Variants in CDH13 observed in about 807,000 individuals in gnomAD.
CDH13 encodes the protein cadherin-13.
CDH13 carries 24 observed loss-of-function variants against 63.8 expected under a neutral mutation model. The ratio of observed to expected loss-of-function variants is 0.38; its 90% CI spans 0.27 to 0.53. The LOEUF (loss-of-function observed/expected upper bound fraction) is 0.53. CDH13 is among the 20% of genes least tolerant of loss of function. The pLI is 0.85. For synonymous variants in CDH13, 503 were observed against 355.3 expected, an observed-to-expected ratio of 1.42 and a Z score of -4.67; for missense variants, 1,049 against 903.1, an observed-to-expected ratio of 1.16 and a Z score of -2.07.
rs1916913590 is a variant in CDH13, at chr16:83,036,928, G to T, written c.366+4710G>T. Reference sequence around the variant, plus strand: ...GGCCAGAGGAAGCTGGAACAGAAAGGGAATGCTAAATAAAAGCATGGGAAC... The same window carrying T: ...GGCCAGAGGAAGCTGGAACAGAAAGTGAATGCTAAATAAAAGCATGGGAAC... On this transcript the variant is annotated intron_variant, in intron 3 of 13. Transcript: ENST00000567109. 2.0e-5 allele frequency among the ~76,000 whole-genome samples: 3 copies of T among 152,232 alleles called. No homozygotes were observed. The South Asian group carries it at 6.2e-4, about 32-fold the overall frequency.
chr16:83,595,074 A>G (rs1203192211), intron 7 of CDH13, among the ~76,000 whole-genome samples: 1 of 152,252 alleles, frequency 6.6e-6, no homozygotes, highest in African/African-American at 2.4e-5. Context: ...TCAAACCAGG[A>G]GAGCAGCTTG....
At chr16:83,467,901 G>A (rs1255692052) in intron 6 of CDH13, among the ~76,000 whole-genome samples, 2 of 152,152 alleles carry the variant, frequency 1.3e-5, no homozygotes, top group African/African-American at 4.8e-5. Context: ...CGTTTGACAG[G>A]GTGAATCAAG....
intron 1 of CDH13, among the ~76,000 whole-genome samples, chr16:82,803,023 G>C (rs1197189139): frequency 1.3e-5 from 2 of 152,174 alleles, no homozygotes; most frequent in African/African-American, 4.8e-5. Flanking sequence ...CTTCCTTCCA[G>C]TGTGCTATTC....
At chr16:82,799,734 A>G (rs889424710) in intron 1 of CDH13, among the ~76,000 whole-genome samples, 2 of 152,190 alleles carry the variant, frequency 1.3e-5, no homozygotes, top group Non-Finnish European at 2.9e-5. Context: ...AGAAAAAAAT[A>G]TATTTGTGCT....
chr16:83,305,193 T>C (rs1034656372), intron 5 of CDH13, among the ~76,000 whole-genome samples: 6 of 152,176 alleles, frequency 3.9e-5, no homozygotes, highest in African/African-American at 1.4e-4. Context: ...GAGAGCTGAC[T>C]CATTTGTAGG....
chr16:83,184,939 T>C (rs976335038), intron 4 of CDH13, among the ~76,000 whole-genome samples: 1 of 151,988 alleles, frequency 6.6e-6, no homozygotes, highest in African/African-American at 2.4e-5. Flanking sequence ...CTTATTTTTT[T>C]TCTATTTCTC....
chr16:83,249,956 A>G (rs1053215095), intron 5 of CDH13, among the ~76,000 whole-genome samples: 1 of 152,218 alleles, frequency 6.6e-6, no homozygotes, highest in African/African-American at 2.4e-5. Flanking sequence ...TTGACTAACA[A>G]TCTCCCCAAA....
intron 5 of CDH13, among the ~76,000 whole-genome samples, chr16:83,238,419 C>A (rs1267513746): frequency 1.3e-5 from 2 of 152,096 alleles, no homozygotes; most frequent in Non-Finnish European, 2.9e-5. Context: ...TGGGAAAGAC[C>A]CACCCCCATG....
chr16:83,511,300 A>G (rs1272450318), intron 7 of CDH13, among the ~76,000 whole-genome samples: 2 of 152,166 alleles, frequency 1.3e-5, no homozygotes, highest in African/African-American at 2.4e-5. Context: ...CATCTCTACT[A>G]AAAATACAAA....
chr16:83,587,594 G>A (rs1906294913), intron 7 of CDH13, among the ~76,000 whole-genome samples: 2 of 152,208 alleles, frequency 1.3e-5, no homozygotes, highest in East Asian at 1.9e-4. Flanking sequence ...CCTTCTAACT[G>A]CACTTGATTT....
chr16:83,227,814 C>A (rs1311053364), intron 5 of CDH13, among the ~76,000 whole-genome samples: 1 of 152,174 alleles, frequency 6.6e-6, no homozygotes, highest in African/African-American at 2.4e-5. Context: ...AGGGATTCAG[C>A]TCAACCTGGG....
At chr16:83,232,545 C>CAACA (rs1164619286) in intron 5 of CDH13, among the ~76,000 whole-genome samples, 13 of 108,000 alleles carry the variant, frequency 1.2e-4, no homozygotes, top group African/African-American at 4.5e-4. Flanking sequence ...ACAACAACAA[C>CAACA]AAACAAACAA....
At chr16:82,735,375 G>C (rs2033621558) in intron 1 of CDH13, among the ~76,000 whole-genome samples, 2 of 152,174 alleles carry the variant, frequency 1.3e-5, no homozygotes, top group South Asian at 2.1e-4. Context: ...ACATGGCTGG[G>C]TCTGTCCCTG....
At chr16:83,700,214 C>T (rs759998587) in intron 10 of CDH13, among the ~76,000 whole-genome samples, 3 of 152,170 alleles carry the variant, frequency 2.0e-5, no homozygotes, top group Admixed American at 1.3e-4. Flanking sequence ...TCCTTCTGCT[C>T]AGCACAATTA....
Position 83,168,639 on chromosome 16 carries a change from C to T in CDH13, c.483+43138C>T, listed in dbSNP as rs7190393. On this transcript the variant is annotated intron_variant, in intron 4 of 13. Coordinates refer to ENST00000567109, the MANE Select transcript of CDH13 (RefSeq NM_001257.5). ...AAAACGAACTTGTAATTTCCCCACT[C>T]AGAGATAGCTTCTGATAACATATTG... Among the ~76,000 whole-genome samples, 588 of 151,644 alleles carry T rather than the reference C, an allele frequency of 3.9e-3. 8 individuals carry two copies. The highest frequency in any genetic ancestry group is 0.014 in the African/African-American group (565 of 41,406).
chr16:82,686,383 C>T (rs148272798), intron 1 of CDH13, among the ~76,000 whole-genome samples: 3 of 152,190 alleles, frequency 2.0e-5, no homozygotes, highest in African/African-American at 7.2e-5. Flanking sequence ...CTTATAAATG[C>T]AGAGGGTCTT....
intron 4 of CDH13, among the ~76,000 whole-genome samples, chr16:83,165,917 T>C (rs1288970169): frequency 6.6e-6 from 1 of 152,070 alleles, no homozygotes; most frequent in Non-Finnish European, 1.5e-5. Flanking sequence ...AAGAGTAGCC[T>C]GGAATCAACA....
At chr16:83,302,251 T>C (rs2089766350) in intron 5 of CDH13, among the ~76,000 whole-genome samples, 2 of 152,240 alleles carry the variant, frequency 1.3e-5, no homozygotes, top group African/African-American at 4.8e-5. Flanking sequence ...ACTTCCCGGA[T>C]ATTCATCCTT....
At chr16:82,877,809 T>A (rs34114533) in intron 2 of CDH13, among the ~76,000 whole-genome samples, 15 of 137,896 alleles carry the variant, frequency 1.1e-4, no homozygotes, top group African/African-American at 3.8e-4. Context: ...TTTTTTTTTT[T>A]AAATTTCCAG....
Sources: allele counts gnomAD v4.1 joint callset (sites outside exome capture counted in the v4.1 genomes callset), GRCh38; gene constraint gnomAD v4.1.1; transcripts MANE v1.5; gene names NCBI Gene and HGNC (gene_info 2026-07-23, HGNC 2026-07-21).